The following NLRP5 variants were observed in gnomAD, a reference collection of about 807,000 sequenced individuals.
NLRP5 encodes the protein NLR family pyrin domain containing 5, also known as NACHT, LRR and PYD domains-containing protein 5.
In NLRP5, 93 loss-of-function variants were observed where a neutral mutation model predicts 113.1. That is an observed-to-expected ratio of 0.82 (90% CI 0.70 to 0.98). The LOEUF is 0.98. NLRP5 is among the 50% of genes least tolerant of loss of function. NLRP5 has a pLI of 0.00. For synonymous variants in NLRP5, 751 were observed against 600.7 expected (o/e 1.25, Z -3.66); for missense variants, 1,808 against 1,514.3 (o/e 1.19, Z -3.22).
chr19:56,017,821 G>A (rs2123290042), intron 4 of NLRP5, among the ~76,000 whole-genome samples: 1 of 152,212 alleles, frequency 6.6e-6, no homozygotes, highest in East Asian at 1.9e-4. Flanking sequence ...AAGCTTAGTC[G>A]TTTTTTGCTC....
In NLRP5 at chr19:56,038,135, A is replaced by G; in HGVS notation, c.2726A>G (p.Gln909Arg). 1.2e-6 allele frequency: 2 copies of G among 1,613,962 alleles called. No individual in the cohort carries two copies. Among genetic ancestry groups the G allele is most frequent in the Non-Finnish European group, 1.7e-6 (2 of 1,179,844 alleles). ...CTGGCAGGAAACAAGGTGACAGACC[A>G]GGGAGTAATGCCTCTCAGTGATGCC... The change falls in exon 10 of 15, where the codon CAG becomes CGG. Residue 909 changes from glutamine to arginine, a missense_variant. Coordinates refer to ENST00000390649, the MANE Select transcript of NLRP5 (RefSeq NM_153447.4).
chr19:56,046,612 C>T (rs1983737276), intron 11 of NLRP5, among the ~76,000 whole-genome samples: 1 of 152,050 alleles, frequency 6.6e-6, no homozygotes, highest in African/African-American at 2.4e-5. Flanking sequence ...GCGATCTCGG[C>T]TCACTGCAAG....
chr19:56,029,402 G>A (rs1372303198), intron 7 of NLRP5, among the ~76,000 whole-genome samples: 1 of 152,020 alleles, frequency 6.6e-6, no homozygotes, highest in Non-Finnish European at 1.5e-5. Context: ...AAGTAGCTGG[G>A]ATTATAGGCA....
Position 56,038,140 on chromosome 19 carries a change from G to C in NLRP5, c.2731G>C (p.Val911Leu). Residue 911 changes from valine (V) to leucine (L), a missense_variant, in exon 10 of 15, where the codon GTA becomes CTA. Val to Leu is a conservative substitution (Grantham distance 32). Coordinates refer to ENST00000390649, the MANE Select transcript of NLRP5 (RefSeq NM_153447.4). The stretch of plus-strand genomic sequence containing the variant: ...AGGAAACAAGGTGACAGACCAGGGA[G>C]TAATGCCTCTCAGTGATGCCTTGAG... 2.5e-6 allele frequency: 4 copies of C among 1,613,978 alleles called. No individual in the cohort carries two copies.
intron 9 of NLRP5, among the ~76,000 whole-genome samples, chr19:56,035,454 C>T (rs939452568): frequency 6.6e-6 from 1 of 152,214 alleles, no homozygotes; most frequent in African/African-American, 2.4e-5. Flanking sequence ...ATGGAGGAAG[C>T]TGCATGCTCA....
intron 13 of NLRP5, among the ~76,000 whole-genome samples, chr19:56,055,943 C>T (rs1984135132): frequency 6.6e-6 from 1 of 152,172 alleles, no homozygotes; most frequent in African/African-American, 2.4e-5. Flanking sequence ...GCACTCTCCA[C>T]CCTCTCTGCT....
At chr19:56,009,787 G>A (rs1982111734) in intron 3 of NLRP5, among the ~76,000 whole-genome samples, 1 of 152,162 alleles carries the variant, frequency 6.6e-6, no homozygotes. Flanking sequence ...AATCTGGTTT[G>A]GAAGGGGTTG....
At chr19:56,025,550 C>T (rs965030548) in intron 6 of NLRP5, among the ~76,000 whole-genome samples, 4 of 147,826 alleles carry the variant, frequency 2.7e-5, no homozygotes, top group African/African-American at 5.0e-5. Context: ...GCATTACAGG[C>T]GCCCGCCAAC....
chr19:56,019,376 A>T lies in NLRP5; in HGVS notation c.600A>T (p.Thr200=). The change falls in exon 5 of 15, where the codon ACA becomes ACT. Residue 200 remains threonine (T), a synonymous_variant. Coordinates refer to ENST00000390649, the MANE Select transcript of NLRP5 (RefSeq NM_153447.4). The stretch of plus-strand genomic sequence containing the variant: ...AAGCTATGGAACAAGAAGGTGCCAC[A>T]GCAGCAGAGACAGAAGAACAAGGTG... 1 of 1,614,024 alleles carries T rather than the reference A, an allele frequency of 6.2e-7. No homozygotes were observed. Among genetic ancestry groups the T allele is most frequent in the South Asian group, 1.1e-5 (1 of 91,086 alleles).
chr19:56,043,356 G>C (rs948389560), intron 11 of NLRP5, among the ~76,000 whole-genome samples: 2 of 152,008 alleles, frequency 1.3e-5, no homozygotes, highest in African/African-American at 4.8e-5. Context: ...CTGATTATTA[G>C]TGATGTTGAG....
chr19:56,024,513 G>GCGTATGTATA lies in NLRP5; in HGVS notation c.680-2400_680-2399insCGTATGTATA, dbSNP rs754511074. ...CGTATATACATATGTATATGTATAT[G>GCGTATGTATA]TGTATGTATATGTATACATATGTAT... On this transcript the variant is annotated intron_variant, in intron 6 of 14. Transcript: ENST00000390649. Among the ~76,000 whole-genome samples, 19 of 92,564 alleles carry GCGTATGTATA rather than the reference G, an allele frequency of 2.1e-4. No individual in the cohort carries two copies. In the South Asian group the frequency reaches 3.7e-3, roughly 18 times the overall value. 60.7% of individuals were successfully genotyped at this position (92,564 alleles called of 152,430 possible). A position where few individuals can be genotyped will look rare whatever the true frequency, so the allele number is the denominator to read the frequency against.
At chr19:56,024,514 T>C (rs2451833) in intron 6 of NLRP5, among the ~76,000 whole-genome samples, 106,907 of 137,096 alleles carry the variant, frequency 0.78, 39,361 homozygotes, top group Non-Finnish European at 0.8. Flanking sequence ...TATGTATATG[T>C]GTATGTATAT....
upstream of NLRP5, chr19:55,999,724 T>C (rs76756220): frequency 0.03 from 48,579 of 1,610,266 alleles, 1,561 homozygotes; most frequent in East Asian, 0.19. Flanking sequence ...GGCGATGTTA[T>C]CATGAAGGTT....
At chr19:56,010,755 A>AAAAAAAAAAAAAAAAAAAAAAAAAT (rs78321861) in intron 3 of NLRP5, among the ~76,000 whole-genome samples, 2 of 125,980 alleles carry the variant, frequency 1.6e-5, no homozygotes, top group Admixed American at 8.5e-5. Flanking sequence ...AAAAAAAAAA[A>AAAAAAAAAAAAAAAAAAAAAAAAAT]GTCCCTTGAA....
intron 6 of NLRP5, among the ~76,000 whole-genome samples, chr19:56,025,234 G>C (rs1159505744): frequency 6.6e-6 from 1 of 152,100 alleles, no homozygotes; most frequent in Non-Finnish European, 1.5e-5. Context: ...ATGTGCTTGA[G>C]TCATCTCAAA....
chr19:56,031,004 G>A (rs1027110934), intron 7 of NLRP5, among the ~76,000 whole-genome samples: 15 of 151,740 alleles, frequency 9.9e-5, no homozygotes, highest in Non-Finnish European at 2.9e-5. Context: ...GAGCGACTGC[G>A]CCCGGCCTCT....
At chr19:56,057,084 C>G (rs188073932) in intron 13 of NLRP5, among the ~76,000 whole-genome samples, 2 of 152,144 alleles carry the variant, frequency 1.3e-5, no homozygotes, top group Admixed American at 6.5e-5. Context: ...CGCAGTGAGT[C>G]GAGCTCGTGC....
chr19:56,002,527 C>A (rs1036290408), intron 1 of NLRP5, among the ~76,000 whole-genome samples: 5 of 148,928 alleles, frequency 3.4e-5, no homozygotes, highest in African/African-American at 4.9e-5. Context: ...AGGTTTGTTA[C>A]ATATGTATAC....
chr19:55,993,434 C>T, the NLRP5 span, among the ~76,000 whole-genome samples: 3 of 10,932 alleles, frequency 2.7e-4, no homozygotes, highest in Non-Finnish European at 4.2e-4. Flanking sequence ...CTCTCCCCCT[C>T]CTCTCCCCCT....
Sources: gnomAD v4.1 joint callset for allele counts (sites outside exome capture counted in the v4.1 genomes callset) on GRCh38, gnomAD v4.1.1 for gene constraint, MANE v1.5 for transcripts, NCBI Gene and HGNC (gene_info 2026-07-23, HGNC 2026-07-21) for gene names.